The following NUP98 variants were observed in gnomAD, a reference collection of about 807,000 sequenced individuals.
NUP98 encodes the protein nucleoporin 98 and 96 precursor.
NUP98 carries 26 observed loss-of-function variants against 191.9 expected under a neutral mutation model. The observed-to-expected ratio is 0.14, with a 90% CI of 0.10 to 0.19. The LOEUF is 0.19. Ranked by LOEUF, NUP98 falls within the 10% of genes least tolerant of loss-of-function variation. The pLI is 1.00. For missense variants in NUP98, 1,941 were observed against 2,178.8 expected (o/e 0.89, Z 2.17); for synonymous variants, 808 against 778.4 (o/e 1.04, Z -0.63).
intron 15 of NUP98, 64 bp from the exon 16 acceptor site, chr11:3,723,519 C>T: frequency 7.2e-7 from 1 of 1,392,470 alleles, no homozygotes; most frequent in Non-Finnish European, 1.0e-6. Context: ...TAATAGCTAA[C>T]TAATACCGAG....
At chr11:3,780,858 T>C (rs576119106) in intron 2 of NUP98, among the ~76,000 whole-genome samples, 9 of 151,870 alleles carry the variant, frequency 5.9e-5, no homozygotes, top group East Asian at 5.9e-4. Flanking sequence ...GGCGGGCAGA[T>C]TGCTTGAGGT....
At chr11:3,699,044 C>G in intron 25 of NUP98, 38 bp downstream of exon 25, 1 of 1,603,640 alleles carries the variant, frequency 6.2e-7, no homozygotes, top group Non-Finnish European at 8.5e-7. Flanking sequence ...AGTAGGAAGG[C>G]GACAGAGGCG....
At chr11:3,794,669 A>C (rs7118870) in intron 1 of NUP98, among the ~76,000 whole-genome samples, 12,888 of 152,170 alleles carry the variant, frequency 0.085, 655 homozygotes, top group African/African-American at 0.13. Flanking sequence ...CAGGCTGGAA[A>C]GCAGTGGTGC....
At chr11:3,680,426 A>AAAGT in intron 30 of NUP98, among the ~76,000 whole-genome samples, 1 of 152,268 alleles carries the variant, frequency 6.6e-6, no homozygotes, top group South Asian at 2.1e-4. Context: ...ATCTGCAAGT[A>AAAGT]CTTCCCCCAC....
intron 10 of NUP98, among the ~76,000 whole-genome samples, chr11:3,754,018 G>A (rs991414181): frequency 7.2e-5 from 11 of 152,048 alleles, no homozygotes; most frequent in Non-Finnish European, 1.0e-4. Context: ...CAATATTCAA[G>A]CAAAGTGAAC....
chr11:3,776,968 A>G (rs927548868), intron 4 of NUP98, among the ~76,000 whole-genome samples: 1 of 152,176 alleles, frequency 6.6e-6, no homozygotes, highest in African/African-American at 2.4e-5. Context: ...TCCCTTTCTC[A>G]TTTAACTACA....
chr11:3,792,000 A>G (rs890687903), intron 1 of NUP98, among the ~76,000 whole-genome samples: 2 of 151,362 alleles, frequency 1.3e-5, no homozygotes, highest in Non-Finnish European at 2.9e-5. Flanking sequence ...TAACACGGTG[A>G]AACCCCATCT....
Position 3,738,087 on chromosome 11 carries a change from C to CAA in NUP98, c.1409-2765_1409-2764dup, listed in dbSNP as rs61502115. On this transcript the variant is annotated intron_variant, in intron 12 of 32. Coordinates refer to ENST00000324932, the MANE Select transcript of NUP98 (RefSeq NM_016320.5). ...ACAAATCATTCTACCTGGGCGTTCT[C>CAA]AAAAAAAAAAAAAAAAAAAACCAAA... 4.2e-3 allele frequency among the ~76,000 whole-genome samples: 291 copies of CAA among 69,692 alleles called. 4 individuals are homozygous for CAA. Among genetic ancestry groups the CAA allele is most frequent in the African/African-American group, 0.011 (216 of 20,054 alleles). 45.7% of individuals were successfully genotyped at this position (69,692 alleles called of 152,430 possible). A position where few individuals can be genotyped will look rare whatever the true frequency, so the allele number is the denominator to read the frequency against.
chr11:3,749,200 C>T (rs1048615250), intron 11 of NUP98, among the ~76,000 whole-genome samples: 117 of 151,556 alleles, frequency 7.7e-4, no homozygotes, highest in African/African-American at 2.6e-3. Context: ...CCCAGCTACT[C>T]GGGAGGCTGA....
intron 1 of NUP98, among the ~76,000 whole-genome samples, chr11:3,792,833 T>C (rs572328108): frequency 3.9e-5 from 6 of 152,204 alleles, no homozygotes; most frequent in African/African-American, 7.2e-5. Flanking sequence ...TTAAAAAGGT[T>C]TGAGGCCGGG....
chr11:3,782,680 T>C (rs2082011144), intron 1 of NUP98, among the ~76,000 whole-genome samples: 1 of 149,670 alleles, frequency 6.7e-6, no homozygotes, highest in Non-Finnish European at 1.5e-5. Context: ...GTACCTGGGA[T>C]TACAAGCGTG....
rs1361239305 is a variant in NUP98, at chr11:3,695,523, A to G, written c.4093T>C (p.Trp1365Arg). 1 of 1,611,742 alleles carries G rather than the reference A, an allele frequency of 6.2e-7. No individual in the cohort carries two copies. Among genetic ancestry groups the G allele is most frequent in the Non-Finnish European group, 8.5e-7 (1 of 1,178,946 alleles). Residue 1365 changes from tryptophan (W) to arginine (R), a missense_variant, in exon 26 of 33, where the codon TGG becomes CGG. Trp to Arg is a moderately radical substitution (Grantham distance 101). Around this residue, in one of 6 missense-constraint regions of NUP98, gnomAD observed 1,030 missense variants for 1,115.8 expected, o/e 0.92. Transcript: ENST00000324932. The part of the protein sequence containing the change: ...RELLTMQLVD[W>R]HQLQADSFIQ... ...AAGGAGTCTGCTTGGAGCTGATGCCAGTCCACCAACTGCATGGTGAGCAGC... is the reference window on the plus strand; with the variant it reads ...AAGGAGTCTGCTTGGAGCTGATGCCGGTCCACCAACTGCATGGTGAGCAGC...
Position 3,706,495 on chromosome 11 carries a change from C to A in NUP98, c.2875G>T (p.Ala959Ser). 6.2e-7 allele frequency: 1 copy of A among 1,614,104 alleles called. No individual in the cohort carries two copies. Among genetic ancestry groups the A allele is most frequent in the Non-Finnish European group, 8.5e-7 (1 of 1,180,002 alleles). The change falls in exon 21 of 33, where the codon GCC (alanine) becomes TCC (serine). Residue 959 changes from alanine (A) to serine (S), a missense_variant. Ala to Ser is a moderately conservative substitution (Grantham distance 99). This residue lies in a region of NUP98 where 1,030 missense variants were observed against 1,115.8 expected (regional missense o/e 0.92). Coordinates refer to ENST00000324932, the MANE Select transcript of NUP98 (RefSeq NM_016320.5). ...AGTGAAGATGCAATATGTGTTGAGG[C>A]AGACACAGGTTCCTGATCCTCAGGC... ...SMPEDQEPVS[A>S]STHIASSLGI...
intron 14 of NUP98, among the ~76,000 whole-genome samples, chr11:3,729,408 TTC>T (rs1399571665): frequency 6.6e-6 from 1 of 151,656 alleles, no homozygotes; most frequent in African/African-American, 2.4e-5. Context: ...CGTAAAATGC[TTC>T]TGTTACATTA....
intron 12 of NUP98, among the ~76,000 whole-genome samples, chr11:3,742,030 A>T (rs1318249124): frequency 1.3e-5 from 2 of 152,256 alleles, no homozygotes; most frequent in African/African-American, 4.8e-5. Context: ...TATGCAGGAC[A>T]TAGCAGTTCT....
chr11:3,693,456 C>A, intron 26 of NUP98, 81 bp from the exon 27 acceptor site: 2 of 1,369,420 alleles, frequency 1.5e-6, no homozygotes, highest in Non-Finnish European at 1.0e-6. Context: ...AGTGAATATT[C>A]ACTTATTCAA....
intron 31 of NUP98, among the ~76,000 whole-genome samples, chr11:3,677,178 G>A (rs577427492): frequency 1.1e-4 from 17 of 152,276 alleles, no homozygotes; most frequent in African/African-American, 3.9e-4. Flanking sequence ...GGTGGATGTG[G>A]CAGAGAGAAA....
Position 3,735,104 on chromosome 11 carries a change from TAATA to T in NUP98, c.1542+83_1542+86del, listed in dbSNP as rs371389051. The T allele has an allele frequency of 3.7e-5, 47 of 1,272,054 alleles. No individual in the cohort carries two copies. In the African/African-American group the frequency reaches 5.8e-4, roughly 16 times the overall value. 78.8% of individuals were successfully genotyped at this position (1,272,054 alleles called of 1,614,324 possible). A position where few individuals can be genotyped will look rare whatever the true frequency, so the allele number is the denominator to read the frequency against. On this transcript the variant is annotated intron_variant, in intron 13 of 32. Transcript: ENST00000324932. ...TTACACCTAGCTTTGCTTAATCCCT[TAATA>T]TATACAGGCAAAAAATTACATTCTG...
At chr11:3,765,943 T>G (rs1484522966) in intron 8 of NUP98, among the ~76,000 whole-genome samples, 1 of 152,236 alleles carries the variant, frequency 6.6e-6, no homozygotes, top group Admixed American at 6.5e-5. Context: ...CCTCACTGAA[T>G]TGTTTTGGTA....
Sources: gnomAD v4.1 joint callset for allele counts (sites outside exome capture counted in the v4.1 genomes callset) on GRCh38, gnomAD v4.1.1 for gene constraint, gnomAD v4.1.1 regional missense constraint, MANE v1.5 for transcripts, NCBI Gene and HGNC (gene_info 2026-07-23, HGNC 2026-07-21) for gene names.